The following SEPTIN6 variants were observed in gnomAD, a reference collection of about 807,000 sequenced individuals.
SEPTIN6 encodes the protein septin-6.
Under a neutral mutation model 33.6 loss-of-function variants are expected in SEPTIN6, and 8 were observed. That is an observed-to-expected ratio of 0.24 (90% CI 0.14 to 0.43). SEPTIN6 has a LOEUF of 0.43. Ranked by LOEUF, SEPTIN6 falls within the 20% of genes least tolerant of loss-of-function variation. The probability of loss-of-function intolerance (pLI) is 1.00; values close to 1 mark genes in which losing one functional copy is unlikely to be tolerated. For synonymous variants in SEPTIN6, 131 were observed against 140.0 expected, an observed-to-expected ratio of 0.94 and a Z score of 0.45; for missense variants, 250 against 340.8, an observed-to-expected ratio of 0.73 and a Z score of 2.10.
chrX:119,630,824 C>T (rs991770908), intron 8 of SEPTIN6, among the ~76,000 whole-genome samples: 2 of 108,471 alleles, frequency 1.8e-5, no homozygotes, highest in South Asian at 4.0e-4. Context: ...ACCCGGGAGG[C>T]GGAGCTTTCA....
chrX:119,675,489 A>G, intron 2 of SEPTIN6, 65 bp downstream of exon 2: 2 of 639,081 alleles, frequency 3.1e-6, no homozygotes, highest in Non-Finnish European at 4.6e-6. Flanking sequence ...ATTACCTGCA[A>G]AGCCGTATCC....
intron 9 of SEPTIN6, among the ~76,000 whole-genome samples, chrX:119,626,864 T>G (rs1032264015): frequency 1.8e-5 from 2 of 110,709 alleles, no homozygotes; most frequent in Non-Finnish European, 3.8e-5. Flanking sequence ...TTTTTGTATT[T>G]TTAGTAGAGA....
At position 119,650,064 on chromosome X, in the gene SEPTIN6, G is replaced by T; in HGVS notation, c.563C>A (p.Ala188Asp). The T allele has an allele frequency of 1.7e-6, 2 of 1,211,424 alleles. No individual in the cohort carries two copies. The highest frequency in any genetic ancestry group is 2.2e-6 in the Non-Finnish European group (2 of 895,301). The change falls in exon 5 of 11, where the codon GCC becomes GAC. Residue 188 changes from alanine to aspartate, a missense_variant. Transcript: ENST00000394610. Reference protein sequence around the residue: ...NIIPIIAKADAISKSELTKFK... With the variant: ...NIIPIIAKADDISKSELTKFK... Reference sequence around the variant, plus strand: ...CTTTGTTAGCTCACTCTTCGAAATGGCATCTGCTTTGGCAATGATGGGGAT... The same window carrying T: ...CTTTGTTAGCTCACTCTTCGAAATGTCATCTGCTTTGGCAATGATGGGGAT...
intron 2 of SEPTIN6, among the ~76,000 whole-genome samples, chrX:119,665,037 G>A (rs147084383): frequency 0.011 from 1,242 of 108,248 alleles, 15 homozygotes; most frequent in African/African-American, 0.039. Context: ...CAGTGAGACC[G>A]TTTTTAACTA....
At chrX:119,668,749 T>C (rs1215827043) in intron 2 of SEPTIN6, among the ~76,000 whole-genome samples, 1 of 111,763 alleles carries the variant, frequency 8.9e-6, no homozygotes, top group East Asian at 2.8e-4. Context: ...GGCCAGGAAT[T>C]CGAGACCAGC....
chrX:119,622,846 AG>A (rs1157296692), intron 10 of SEPTIN6, among the ~76,000 whole-genome samples: 1 of 112,424 alleles, frequency 8.9e-6, no homozygotes, highest in Non-Finnish European at 1.9e-5. Context: ...AACTACATAC[AG>A]TGCAAAGAAT....
At chrX:119,637,581 C>CCACT (rs1223981195) in intron 6 of SEPTIN6, among the ~76,000 whole-genome samples, 13 of 109,700 alleles carry the variant, frequency 1.2e-4, no homozygotes, top group African/African-American at 4.0e-4. Context: ...ATCCATCCAT[C>CCACT]CATCCATCCA....
At chrX:119,642,045 G>A (rs1174427634) in intron 5 of SEPTIN6, among the ~76,000 whole-genome samples, 1 of 110,749 alleles carries the variant, frequency 9.0e-6, no homozygotes, top group Non-Finnish European at 1.9e-5. Context: ...AGAGTGCACA[G>A]TGTGCCAAGG....
Position 119,668,228 on chromosome X carries a change from G to A in SEPTIN6, c.146-4551C>T, listed in dbSNP as rs142042176. On this transcript the variant is annotated intron_variant, in intron 2 of 10. Transcript: ENST00000394610. ...GGAGAATCGTTTGAACCCGGGAGGC[G>A]GAGGTTGCAGTGAGCAGAGATCTCA... Among the ~76,000 whole-genome samples the A allele has an allele frequency of 2.3e-3, 252 of 110,607 alleles. 3 individuals carry two copies. The highest frequency in any genetic ancestry group is 8.0e-3 in the African/African-American group (241 of 30,299).
rs774447993 is a variant in SEPTIN6 at position 119,663,530 on chromosome X, G to A, written c.293C>T (p.Thr98Met). The stretch of plus-strand genomic sequence containing the variant: ...CCCAAAGCCAACTGTGCTAACGATC[G>A]TGAGCTTTAGCCTCACGTTGCTCTC... ...LQESNVRLKL[T>M]IVSTVGFGDQ... The change falls in exon 3 of 11, where the codon ACG (threonine) becomes ATG (methionine). Residue 98 changes from threonine to methionine, a missense_variant. Thr to Met is a moderately conservative substitution (Grantham distance 81). Around this residue, in one of 2 missense-constraint regions of SEPTIN6, gnomAD observed 111 missense variants for 113.8 expected, o/e 0.98. Transcript: ENST00000394610. The A allele has an allele frequency of 1.4e-5, 17 of 1,183,186 alleles. No homozygotes were observed. Among genetic ancestry groups the A allele is most frequent in the South Asian group, 3.6e-5 (2 of 55,210 alleles).
At chrX:119,657,430 C>G (rs1279250212) in intron 3 of SEPTIN6, among the ~76,000 whole-genome samples, 1 of 110,882 alleles carries the variant, frequency 9.0e-6, no homozygotes, top group East Asian at 2.8e-4. Context: ...CATCATCTCT[C>G]CCATCCTCAA....
At chrX:119,620,101 C>CA (rs59071899) in intron 10 of SEPTIN6, 50 bp from the exon 11 acceptor site, 2,078 of 752,590 alleles carry the variant, frequency 2.8e-3, no homozygotes, top group Non-Finnish European at 2.9e-3. Flanking sequence ...ATTAATGTAC[C>CA]AAAAAAAAAA....
intron 1 of SEPTIN6, chrX:119,686,509 G>T: frequency 1.4e-6 from 1 of 713,551 alleles, no homozygotes; most frequent in Non-Finnish European, 1.9e-6. Context: ...TTCAGCAGAT[G>T]GCTGCCTCTA....
chrX:119,678,531 AT>A (rs200229877), intron 1 of SEPTIN6, among the ~76,000 whole-genome samples: 2,011 of 110,482 alleles, frequency 0.018, 36 homozygotes, highest in South Asian at 0.14. Context: ...AAAAAAAAAA[AT>A]AAATAAAGAC....
At chrX:119,691,692 A>G (rs1474672446) in intron 1 of SEPTIN6, among the ~76,000 whole-genome samples, 1 of 112,607 alleles carries the variant, frequency 8.9e-6, no homozygotes, top group African/African-American at 3.2e-5. Context: ...TAGAGAAAAT[A>G]TTATCAGATT....
chrX:119,643,397 G>GAA (rs369455842), intron 5 of SEPTIN6, among the ~76,000 whole-genome samples: 2 of 104,481 alleles, frequency 1.9e-5, no homozygotes, highest in South Asian at 8.4e-4. Context: ...TGAGCTCGAG[G>GAA]AAAAAAAAAA....
intron 3 of SEPTIN6, among the ~76,000 whole-genome samples, chrX:119,654,216 A>C (rs895958566): frequency 9.0e-6 from 1 of 111,520 alleles, no homozygotes; most frequent in African/African-American, 3.3e-5. Flanking sequence ...AGTCTTGCCA[A>C]GGCTTCTTAA....
At chrX:119,664,196 C>G (rs923026750) in intron 2 of SEPTIN6, among the ~76,000 whole-genome samples, 1 of 111,492 alleles carries the variant, frequency 9.0e-6, no homozygotes, top group Non-Finnish European at 1.9e-5. Context: ...CTTGGCCAGG[C>G]TGGTCTCAAA....
chrX:119,645,236 CTTT>C (rs757199588), intron 5 of SEPTIN6, among the ~76,000 whole-genome samples: 15 of 71,168 alleles, frequency 2.1e-4, no homozygotes, highest in East Asian at 7.8e-4. Flanking sequence ...AAGGCCCTAC[CTTT>C]TTTTTTTTTT....
Sources: allele counts gnomAD v4.1 joint callset (sites outside exome capture counted in the v4.1 genomes callset), GRCh38; gene constraint gnomAD v4.1.1; regional missense constraint gnomAD v4.1.1; transcripts MANE v1.5; gene names NCBI Gene and HGNC (gene_info 2026-07-23, HGNC 2026-07-21).